HS3ST4: variants seen among roughly 807,000 people sequenced by gnomAD.
HS3ST4 encodes heparan sulfate-glucosamine 3-sulfotransferase 4.
Under a neutral mutation model 29.2 loss-of-function variants are expected in HS3ST4, and 17 were observed. The observed-to-expected ratio is 0.58, with a 90% confidence interval of 0.40 to 0.87. The LOEUF (loss-of-function observed/expected upper bound fraction) is 0.87. Among genes scored for constraint, HS3ST4 ranks in the 40% least tolerant of loss-of-function variants. The probability of loss-of-function intolerance (pLI) is 0.00; values close to 1 mark genes in which losing one functional copy is unlikely to be tolerated. For synonymous variants in HS3ST4, 314 were observed against 285.7 expected, an observed-to-expected ratio of 1.10 and a Z score of -1.00; for missense variants, 627 against 634.5, an observed-to-expected ratio of 0.99 and a Z score of 0.13.
intron 1 of HS3ST4, among the ~76,000 whole-genome samples, chr16:26,085,831 G>C (rs914407550): frequency 5.3e-5 from 8 of 151,442 alleles, no homozygotes; most frequent in African/African-American, 1.9e-4. Context: ...CTATGATTGT[G>C]CCACTAAACT....
rs1006326110 is a variant in HS3ST4, at chr16:25,737,587, C to T, written c.734+44436C>T. 2.6e-5 allele frequency among the ~76,000 whole-genome samples: 4 copies of T among 151,844 alleles called. No individual in the cohort carries two copies. In the South Asian group the frequency reaches 6.2e-4, roughly 24 times the overall value. On this transcript the variant is annotated intron_variant, in intron 1 of 1. Coordinates refer to ENST00000331351, the MANE Select transcript of HS3ST4 (RefSeq NM_006040.3). ...GTGTAATGATAAATATTGGAGGCTT[C>T]GAAGGGTAGGAGAGTGGGAGGGGGG...
chr16:25,715,874 G>GCAGCTGT (rs1025266643), intron 1 of HS3ST4, among the ~76,000 whole-genome samples: 3 of 152,166 alleles, frequency 2.0e-5, no homozygotes, highest in Non-Finnish European at 2.9e-5. Flanking sequence ...GTCCAGCTTG[G>GCAGCTGT]CAGCTGTCAG....
At chr16:25,728,503 G>A (rs926583837) in intron 1 of HS3ST4, among the ~76,000 whole-genome samples, 3 of 152,188 alleles carry the variant, frequency 2.0e-5, no homozygotes, top group African/African-American at 7.2e-5. Context: ...TAGCCTGACG[G>A]CAGACCCTTC....
chr16:25,712,396 C>T (rs1261613298), intron 1 of HS3ST4, among the ~76,000 whole-genome samples: 1 of 152,092 alleles, frequency 6.6e-6, no homozygotes, highest in African/African-American at 2.4e-5. Flanking sequence ...TGGTGCATGC[C>T]TTTAGTCCCA....
At chr16:26,099,053 C>T (rs2141795337) in intron 1 of HS3ST4, among the ~76,000 whole-genome samples, 1 of 152,286 alleles carries the variant, frequency 6.6e-6, no homozygotes. Flanking sequence ...CTCACATCCA[C>T]CCTATTAGGT....
intron 1 of HS3ST4, among the ~76,000 whole-genome samples, chr16:25,804,819 T>C (rs1966974422): frequency 6.6e-6 from 1 of 152,160 alleles, no homozygotes. Context: ...AAGACTATTG[T>C]ATGATGAAAC....
intron 1 of HS3ST4, chr16:26,062,618 T>A (rs1898490573): frequency 6.6e-6 from 1 of 152,232 alleles, no homozygotes; most frequent in African/African-American, 2.4e-5. Flanking sequence ...TAGTTTTTTT[T>A]TTTTTTTTAG....
At chr16:25,869,802 ACT>A (rs1191757403) in intron 1 of HS3ST4, among the ~76,000 whole-genome samples, 3 of 152,026 alleles carry the variant, frequency 2.0e-5, no homozygotes, top group Non-Finnish European at 4.4e-5. Context: ...TAAATTATGG[ACT>A]CTGTGCTAGG....
chr16:26,127,905 G>A (rs1899367016), intron 1 of HS3ST4, among the ~76,000 whole-genome samples: 2 of 152,228 alleles, frequency 1.3e-5, no homozygotes, highest in South Asian at 2.1e-4. Flanking sequence ...CCAATGTGTG[G>A]TCATGTGTTA....
chr16:25,753,041 TC>T (rs1411307484), intron 1 of HS3ST4, among the ~76,000 whole-genome samples: 1 of 152,168 alleles, frequency 6.6e-6, no homozygotes, highest in Non-Finnish European at 1.5e-5. Flanking sequence ...TGACCTGACC[TC>T]CAAGAAAATT....
chr16:25,839,403 T>C (rs939130391), intron 1 of HS3ST4, among the ~76,000 whole-genome samples: 2 of 152,218 alleles, frequency 1.3e-5, no homozygotes, highest in African/African-American at 2.4e-5. Flanking sequence ...CCATTGGATC[T>C]TCCCTTCCTC....
At chr16:26,115,156 A>G (rs111748259) in intron 1 of HS3ST4, among the ~76,000 whole-genome samples, 2,385 of 152,146 alleles carry the variant, frequency 0.016, 55 homozygotes, top group African/African-American at 0.052. Flanking sequence ...ATACTCCCAC[A>G]CATACACTGA....
intron 1 of HS3ST4, among the ~76,000 whole-genome samples, chr16:25,734,474 C>G (rs576838954): frequency 6.6e-6 from 1 of 152,284 alleles, no homozygotes; most frequent in South Asian, 2.1e-4. Flanking sequence ...ATTAGTCCTC[C>G]TAACTCCCAC....
At chr16:26,078,440 A>C (rs1898691229) in intron 1 of HS3ST4, among the ~76,000 whole-genome samples, 1 of 152,038 alleles carries the variant, frequency 6.6e-6, no homozygotes, top group African/African-American at 2.4e-5. Context: ...GAGCCACCGC[A>C]CCCAGCCTGT....
At chr16:25,932,724 G>A (rs1968477252) in intron 1 of HS3ST4, among the ~76,000 whole-genome samples, 1 of 152,196 alleles carries the variant, frequency 6.6e-6, no homozygotes, top group South Asian at 2.1e-4. Flanking sequence ...CTTAAGAGGT[G>A]CTTACTGCTA....
At chr16:25,930,200 A>C (rs1234937986) in intron 1 of HS3ST4, among the ~76,000 whole-genome samples, 1 of 152,162 alleles carries the variant, frequency 6.6e-6, no homozygotes, top group Non-Finnish European at 1.5e-5. Context: ...TTACCTAGGC[A>C]TATGAAGAAC....
intron 1 of HS3ST4, among the ~76,000 whole-genome samples, chr16:25,981,423 T>A (rs1449643920): frequency 6.6e-6 from 1 of 152,042 alleles, no homozygotes; most frequent in Non-Finnish European, 1.5e-5. Flanking sequence ...ATTTGCTCTC[T>A]TTAGGAACTA....
chr16:25,721,042 G>T (rs1014445456), intron 1 of HS3ST4, among the ~76,000 whole-genome samples: 1 of 152,208 alleles, frequency 6.6e-6, no homozygotes. Context: ...TGTTAGGTAG[G>T]CAAGTAACAG....
chr16:26,096,612 A>G (rs1898929516), intron 1 of HS3ST4, among the ~76,000 whole-genome samples: 2 of 152,170 alleles, frequency 1.3e-5, no homozygotes, highest in African/African-American at 4.8e-5. Context: ...AATAAGAACT[A>G]CTTATGACAA....
Sources: gnomAD v4.1 joint callset for allele counts (sites outside exome capture counted in the v4.1 genomes callset) on GRCh38, gnomAD v4.1.1 for gene constraint, MANE v1.5 for transcripts, NCBI Gene and HGNC (gene_info 2026-07-23, HGNC 2026-07-21) for gene names.